ZPBP2: variants seen among roughly 807,000 people sequenced by gnomAD.
ZPBP2 encodes zona pellucida-binding protein 2.
Under a neutral mutation model 37.5 loss-of-function variants are expected in ZPBP2, and 34 were observed. The ratio of observed to expected loss-of-function variants is 0.91; its 90% CI spans 0.69 to 1.21. The LOEUF (loss-of-function observed/expected upper bound fraction) is 1.21, where lower values mean the gene tolerates loss of function less well. Ranked by LOEUF, ZPBP2 falls within the 50% of genes most tolerant of loss-of-function variation. ZPBP2 has a pLI of 0.00. For synonymous variants in ZPBP2, 143 were observed against 138.4 expected, an observed-to-expected ratio of 1.03 and a Z score of -0.23; for missense variants, 397 against 413.5, an observed-to-expected ratio of 0.96 and a Z score of 0.35.
intron 2 of ZPBP2, 21 bp from the exon 3 acceptor site, chr17:39,870,673 C>T (rs755207242): frequency 6.7e-6 from 9 of 1,334,908 alleles, no homozygotes; most frequent in Non-Finnish European, 9.1e-6. Flanking sequence ...TGTAGTTATA[C>T]ATTATTTTAT....
At position 39,868,366 on chromosome 17, in the gene ZPBP2, G is replaced by C. The variant is rs200182126; in HGVS notation, c.12G>C (p.Thr4=). MMR[T]CVLLSAVLWC... is the part of the protein sequence containing the mutation. The stretch of plus-strand genomic sequence containing the variant: ...CCAGCCCCTGAGCGATGATGCGAAC[G>C]TGCGTCCTACTCTCCGCGGTGCTCT... The change falls in exon 1 of 8, where the codon ACG becomes ACC. Residue 4 remains threonine, a synonymous_variant. Coordinates refer to ENST00000348931, the MANE Select transcript of ZPBP2 (RefSeq NM_199321.3). 6.2e-6 allele frequency: 10 copies of C among 1,609,778 alleles called. No individual in the cohort carries two copies. The highest frequency in any genetic ancestry group is 1.7e-5 in the Admixed American group (1 of 60,000).
At chr17:39,870,108 C>G (rs11655292) in intron 2 of ZPBP2, among the ~76,000 whole-genome samples, 64,537 of 151,828 alleles carry the variant, frequency 0.43, 14,420 homozygotes, top group Non-Finnish European at 0.49. Flanking sequence ...CAGTGGTGCA[C>G]TCTCGGCTCA....
chr17:39,869,061 A>G (rs910804463), intron 2 of ZPBP2, among the ~76,000 whole-genome samples: 1 of 152,242 alleles, frequency 6.6e-6, no homozygotes, highest in Non-Finnish European at 1.5e-5. Context: ...TTAGTTACAC[A>G]GCTAATTTTA....
chr17:39,872,232 C>T (rs773449284), intron 4 of ZPBP2, 38 bp from the exon 5 acceptor site: 10 of 1,491,568 alleles, frequency 6.7e-6, no homozygotes, highest in Admixed American at 6.4e-5. Flanking sequence ...ATGCTAGGTA[C>T]GATTGTTTTC....
rs35369677 is a variant in ZPBP2 at position 39,875,283 on chromosome 17, G to A, written c.738G>A (p.Arg246=). The change falls in exon 7 of 8, where the codon CGG becomes CGA. Residue 246 remains arginine, a synonymous_variant. Coordinates refer to ENST00000348931, the MANE Select transcript of ZPBP2 (RefSeq NM_199321.3). ...GAGATCGAATAGAAGACTTTTTTCG[G>A]AGCCAAGCATATATTTTCTACCATA... The part of the protein sequence containing the change: ...QARDRIEDFF[R]SQAYIFYHNF... 3.8e-4 allele frequency: 619 copies of A among 1,609,516 alleles called. 3 individuals carry two copies. The African/African-American group carries it at 6.0e-3, about 16-fold the overall frequency.
intron 2 of ZPBP2, 126 bp downstream of exon 2, chr17:39,868,740 T>C (rs1376694078): frequency 9.4e-7 from 1 of 1,068,734 alleles, no homozygotes; most frequent in Non-Finnish European, 1.4e-6. Flanking sequence ...ATACTAAGCA[T>C]CTGCTTGGCA....
chr17:39,871,375 A>T (rs1322667090), intron 3 of ZPBP2, 89 bp from the exon 4 acceptor site: 2 of 900,830 alleles, frequency 2.2e-6, no homozygotes, highest in African/African-American at 3.5e-5. Flanking sequence ...ATTAATTTTT[A>T]AAATTTTTGT....
At chr17:39,873,497 GATT>G (rs2144643722) in intron 6 of ZPBP2, among the ~76,000 whole-genome samples, 1 of 152,128 alleles carries the variant, frequency 6.6e-6, no homozygotes. Context: ...TTTAAACTGA[GATT>G]ATGAGATTCT....
intron 4 of ZPBP2, among the ~76,000 whole-genome samples, 187 bp downstream of exon 4, chr17:39,871,812 ATCT>A (rs1370242677): frequency 2.6e-5 from 4 of 152,166 alleles, no homozygotes; most frequent in African/African-American, 9.6e-5. Context: ...ATCCTAAATA[ATCT>A]TCTTTCAGCT....
chr17:39,868,315 T>C lies in ZPBP2; in HGVS notation c.-40T>C. ...GGGCCAGGGCTGAGGTAGGAGGGAG[T>C]CTGTCCCTCGACGCCTCCTGCGACG... On this transcript the variant is annotated 5_prime_UTR_variant, in exon 1 of 8. Transcript: ENST00000348931. 1 of 1,599,262 alleles carries C rather than the reference T, an allele frequency of 6.3e-7. No individual in the cohort carries two copies. Among genetic ancestry groups the C allele is most frequent in the Non-Finnish European group, 8.5e-7 (1 of 1,177,234 alleles).
At chr17:39,869,602 A>G (rs766487236) in intron 2 of ZPBP2, among the ~76,000 whole-genome samples, 46 of 147,394 alleles carry the variant, frequency 3.1e-4, no homozygotes, top group Non-Finnish European at 5.5e-4. Flanking sequence ...ACAGGGTTTC[A>G]CCATGTTGGC....
At chr17:39,873,614 A>C (rs147134135) in intron 6 of ZPBP2, among the ~76,000 whole-genome samples, 4,107 of 152,162 alleles carry the variant, frequency 0.027, 76 homozygotes, top group Non-Finnish European at 0.042. Flanking sequence ...ATAGTTCCCA[A>C]GGTTAGTATT....
intron 3 of ZPBP2, 45 bp from the exon 4 acceptor site, chr17:39,871,419 C>T: frequency 7.3e-7 from 1 of 1,368,120 alleles, no homozygotes; most frequent in Non-Finnish European, 9.9e-7. Context: ...CTAAATAATG[C>T]TTGATATGTT....
intron 1 of ZPBP2, 31 bp from the exon 2 acceptor site, chr17:39,868,518 A>C: frequency 1.2e-6 from 2 of 1,614,060 alleles, no homozygotes; most frequent in Non-Finnish European, 1.7e-6. Context: ...TCCTCTTCTA[A>C]CTAAAAGTCA....
At position 39,868,230 on chromosome 17, in the gene ZPBP2, C is replaced by G. The variant is rs2063344113; in HGVS notation, c.-125C>G. The G allele has an allele frequency of 9.4e-7, 1 of 1,059,788 alleles. No homozygotes were observed. The highest frequency in any genetic ancestry group is 1.3e-6 in the Non-Finnish European group (1 of 744,808). The allele number at this position is 1,059,788 out of a possible 1,614,324, so 65.6% of individuals were successfully genotyped here. ...CGTCCGCTCCCGCCGTTGCGACGGA[C>G]GGGTAGGGGAGGCGACCCCGGCGTT... On this transcript the variant is annotated 5_prime_UTR_variant, in exon 1 of 8. Transcript: ENST00000348931.
chr17:39,871,971 T>C (rs560481306), intron 4 of ZPBP2, among the ~76,000 whole-genome samples: 29 of 152,148 alleles, frequency 1.9e-4, no homozygotes, highest in Non-Finnish European at 3.7e-4. Flanking sequence ...TTTCTGTGAA[T>C]TAAGGCCCTC....
In ZPBP2 at chr17:39,872,488, G is replaced by A; in HGVS notation, c.625G>A (p.Val209Ile). ...ACATGAGCTATTTATAGCATTTCAAGGTAAAATTTTTAAAATTTCTTTAAT... is the reference window on the plus strand; with the variant it reads ...ACATGAGCTATTTATAGCATTTCAAAGTAAAATTTTTAAAATTTCTTTAAT... ...LIHELFIAFQ[V>I]NPFAPGWKGA... The change falls in exon 5 of 8, where the codon GTT (valine) becomes ATT (isoleucine). Residue 209 changes from valine (V) to isoleucine (I), a missense_variant and splice_region_variant. Coordinates refer to ENST00000348931, the MANE Select transcript of ZPBP2 (RefSeq NM_199321.3). 2 of 1,566,122 alleles carry A rather than the reference G, an allele frequency of 1.3e-6. No homozygotes were observed. Among genetic ancestry groups the A allele is most frequent in the Admixed American group, 2.0e-5 (1 of 49,842 alleles).
At position 39,872,401 on chromosome 17, in the gene ZPBP2, TG is replaced by T. The variant is rs769047593; in HGVS notation, c.539del (p.Cys180SerfsTer4). On this transcript the variant is annotated frameshift_variant, in exon 5 of 8. Transcript: ENST00000348931. LOFTEE classifies it high-confidence loss of function. ...ILDSLISDLS[C>X]HVIEPSYKCH... ...GGATAGTCTAATTTCTGATTTGTCA[TG>T]CCATGTCATAGAGCCATCATATAAA... The T allele has an allele frequency of 6.2e-7, 1 of 1,613,596 alleles. No individual in the cohort carries two copies. Among genetic ancestry groups the T allele is most frequent in the Non-Finnish European group, 8.5e-7 (1 of 1,179,802 alleles).
Position 39,876,758 on chromosome 17 carries a change from A to G in ZPBP2, c.966A>G (p.Gly322=). The G allele has an allele frequency of 6.2e-7, 1 of 1,613,908 alleles. No homozygotes were observed. The highest frequency in any genetic ancestry group is 8.5e-7 in the Non-Finnish European group (1 of 1,179,924). The change falls in exon 8 of 8, where the codon GGA becomes GGG. Residue 322 remains glycine, a synonymous_variant. Transcript: ENST00000348931. ...CCTGCGTTTCCGTCCTTACCTATGGAGCTAAATCTTGCCCACAAACTTCAA... is the reference window on the plus strand; with the variant it reads ...CCTGCGTTTCCGTCCTTACCTATGGGGCTAAATCTTGCCCACAAACTTCAA... ...CQTCVSVLTY[G]AKSCPQTSNK... is the part of the protein sequence containing the mutation.
Sources: gnomAD v4.1 joint callset for allele counts (sites outside exome capture counted in the v4.1 genomes callset) on GRCh38, gnomAD v4.1.1 for gene constraint, MANE v1.5 for transcripts, NCBI Gene and HGNC (gene_info 2026-07-23, HGNC 2026-07-21) for gene names.